AUTS2: variants seen among roughly 807,000 people sequenced by gnomAD.
AUTS2 encodes the protein activator of transcription and developmental regulator AUTS2, also known as autism susceptibility gene 2 protein.
AUTS2 carries 17 observed loss-of-function variants against 112.4 expected under a neutral mutation model. The observed-to-expected ratio is 0.15, with a 90% confidence interval of 0.10 to 0.23. The LOEUF is 0.23. Ranked by LOEUF, AUTS2 falls within the 10% of genes least tolerant of loss-of-function variation. AUTS2 has a pLI of 1.00. For synonymous variants in AUTS2, 751 were observed against 702.7 expected (o/e 1.07, Z -1.09); for missense variants, 1,510 against 1,701.6 (o/e 0.89, Z 1.98).
intron 1 of AUTS2, among the ~76,000 whole-genome samples, chr7:69,717,498 A>C (rs957572158): frequency 2.6e-5 from 4 of 152,224 alleles, no homozygotes; most frequent in African/African-American, 9.7e-5. Flanking sequence ...ACAGCTGACC[A>C]TAACTCTTAG....
intron 1 of AUTS2, among the ~76,000 whole-genome samples, chr7:69,696,413 G>A (rs931344267): frequency 1.3e-5 from 2 of 152,042 alleles, no homozygotes; most frequent in African/African-American, 2.4e-5. Context: ...TTTTTTTTAC[G>A]TGAAGGGTAT....
In AUTS2 at chr7:69,920,718, T is replaced by C. The variant is rs138478537; in HGVS notation, c.522+21220T>C. ...AAGATACAGTATTTTCTTCCTAGAC[T>C]GTTCAACACTGGCGTGAAATGGTTC... is the stretch of plus-strand genomic sequence containing the variant. On this transcript the variant is annotated intron_variant, in intron 2 of 18. Transcript: ENST00000342771. Among the ~76,000 whole-genome samples the C allele has an allele frequency of 1.8e-3, 272 of 152,348 alleles. 1 individual carries two copies. Among genetic ancestry groups the C allele is most frequent in the African/African-American group, 5.8e-3 (241 of 41,574 alleles).
chr7:70,707,009 G>A (rs542901419), intron 6 of AUTS2, among the ~76,000 whole-genome samples: 21 of 152,264 alleles, frequency 1.4e-4, no homozygotes, highest in Non-Finnish European at 2.1e-4. Flanking sequence ...AAACACCTTA[G>A]AACCAATTTT....
chr7:70,778,434 G>T (rs1421543400), intron 14 of AUTS2, among the ~76,000 whole-genome samples: 1 of 151,992 alleles, frequency 6.6e-6, no homozygotes, highest in Non-Finnish European at 1.5e-5. Context: ...TCACAGAAGA[G>T]ACATGTTTTT....
intron 4 of AUTS2, among the ~76,000 whole-genome samples, chr7:70,365,687 C>T (rs927014307): frequency 1.3e-5 from 2 of 152,180 alleles, no homozygotes; most frequent in African/African-American, 2.4e-5. Context: ...AGTGTTCTGA[C>T]AAGGAACTAA....
At chr7:70,379,237 C>G (rs180755410) in intron 4 of AUTS2, among the ~76,000 whole-genome samples, 1 of 152,192 alleles carries the variant, frequency 6.6e-6, no homozygotes, top group South Asian at 2.1e-4. Flanking sequence ...CGGTGGCTCA[C>G]GTCTGTAATC....
At chr7:70,764,356 C>T (rs1055743780) in intron 7 of AUTS2, among the ~76,000 whole-genome samples, 1 of 152,138 alleles carries the variant, frequency 6.6e-6, no homozygotes, top group Non-Finnish European at 1.5e-5. Flanking sequence ...GAACTCAGAT[C>T]ATCGCTTTTT....
At chr7:70,446,317 C>T (rs891774813) in intron 5 of AUTS2, among the ~76,000 whole-genome samples, 1 of 152,208 alleles carries the variant, frequency 6.6e-6, no homozygotes, top group Admixed American at 6.5e-5. Context: ...TAGTGTTTAT[C>T]GGCCGGAGTG....
chr7:70,286,373 G>T lies in AUTS2; in HGVS notation c.661-149379G>T, dbSNP rs1290697592. ...CTACTTTAAGCTGGAGTTTGGAGTC[G>T]CAGGGTCCTGCGTGTGTACCACCAT... On this transcript the variant is annotated intron_variant, in intron 4 of 18. Coordinates refer to ENST00000342771, the MANE Select transcript of AUTS2 (RefSeq NM_015570.4). Among the ~76,000 whole-genome samples the T allele has an allele frequency of 1.3e-5, 2 of 152,192 alleles. 1 individual carries two copies. Among genetic ancestry groups the T allele is most frequent in the Non-Finnish European group, 2.9e-5 (2 of 68,040 alleles).
intron 2 of AUTS2, among the ~76,000 whole-genome samples, chr7:70,037,691 T>A (rs968826951): frequency 6.6e-6 from 1 of 152,168 alleles, no homozygotes; most frequent in Admixed American, 6.5e-5. Flanking sequence ...TTTTATGTGA[T>A]GACTAAAAAT....
At chr7:69,812,015 T>C (rs1790566178) in intron 1 of AUTS2, among the ~76,000 whole-genome samples, 1 of 152,244 alleles carries the variant, frequency 6.6e-6, no homozygotes, top group Non-Finnish European at 1.5e-5. Context: ...ATGTAGAATT[T>C]TGGCTTACTG....
intron 2 of AUTS2, among the ~76,000 whole-genome samples, chr7:69,956,104 G>C (rs1388407996): frequency 1.3e-5 from 2 of 151,986 alleles, no homozygotes; most frequent in African/African-American, 4.8e-5. Flanking sequence ...ACTTAGGCCT[G>C]GTGTTCTTTC....
chr7:69,671,456 G>GCACAAAA (rs1796316889), intron 1 of AUTS2, among the ~76,000 whole-genome samples: 1 of 129,876 alleles, frequency 7.7e-6, no homozygotes, highest in Non-Finnish European at 1.7e-5. Flanking sequence ...ACAGGGATCA[G>GCACAAAA]CACAAAATGT....
chr7:70,178,544 A>G (rs1399987010), intron 4 of AUTS2, among the ~76,000 whole-genome samples: 2 of 152,182 alleles, frequency 1.3e-5, no homozygotes, highest in African/African-American at 4.8e-5. Flanking sequence ...TCATGCCTGT[A>G]ATCCCAGCCC....
chr7:70,673,030 G>C (rs921528707), intron 5 of AUTS2, among the ~76,000 whole-genome samples: 1 of 152,214 alleles, frequency 6.6e-6, no homozygotes, highest in African/African-American at 2.4e-5. Flanking sequence ...GCACTTGCTT[G>C]CTTGGGTCAG....
At chr7:70,139,330 A>G (rs183317785) in intron 4 of AUTS2, among the ~76,000 whole-genome samples, 1 of 152,030 alleles carries the variant, frequency 6.6e-6, no homozygotes, top group Admixed American at 6.6e-5. Flanking sequence ...CCATTTTCCC[A>G]TTTCCCCAGA....
intron 2 of AUTS2, among the ~76,000 whole-genome samples, chr7:70,024,127 G>A (rs1441720689): frequency 6.6e-6 from 1 of 152,142 alleles, no homozygotes; most frequent in Non-Finnish European, 1.5e-5. Context: ...CTGGCTTCTT[G>A]TTCCCCCATT....
chr7:70,438,394 C>T (rs1052450193), intron 5 of AUTS2, among the ~76,000 whole-genome samples: 2 of 152,046 alleles, frequency 1.3e-5, no homozygotes, highest in African/African-American at 4.8e-5. Context: ...TCATGGCGCA[C>T]CTCCTGCCCT....
intron 4 of AUTS2, among the ~76,000 whole-genome samples, chr7:70,177,918 GT>G (rs765470016): frequency 2.2e-3 from 294 of 134,850 alleles, no homozygotes; most frequent in African/African-American, 4.2e-3. Context: ...ACATAATTCT[GT>G]TTTTTTTTTT....
Sources: gnomAD v4.1 joint callset for allele counts (sites outside exome capture counted in the v4.1 genomes callset) on GRCh38, gnomAD v4.1.1 for gene constraint, MANE v1.5 for transcripts, NCBI Gene and HGNC (gene_info 2026-07-23, HGNC 2026-07-21) for gene names.